WIPF1: variants seen among roughly 807,000 people sequenced by gnomAD.
The protein encoded by WIPF1 is WAS/WASL-interacting protein family member 1.
Under a neutral mutation model 35.4 loss-of-function variants are expected in WIPF1, and 13 were observed. The ratio of observed to expected loss-of-function variants is 0.37; its 90% CI spans 0.24 to 0.58. The LOEUF (loss-of-function observed/expected upper bound fraction) is 0.58, where lower values mean the gene tolerates loss of function less well. Among genes scored for constraint, WIPF1 ranks in the 20% least tolerant of loss-of-function variants. The pLI, the probability that WIPF1 is intolerant of heterozygous loss-of-function variation, is 0.74. For missense variants in WIPF1, 591 were observed against 667.0 expected, an observed-to-expected ratio of 0.89 and a Z score of 1.25; for synonymous variants, 267 against 266.3, an observed-to-expected ratio of 1.00 and a Z score of -0.02.
chr2:174,602,787 T>C (rs1423765892), upstream of WIPF1, among the ~76,000 whole-genome samples: 1 of 152,248 alleles, frequency 6.6e-6, no homozygotes, highest in Non-Finnish European at 1.5e-5. Context: ...GTAATCTTAC[T>C]TGGGGAAAAG....
At chr2:174,635,525 GTTTGTTTTTTTTT>G (rs1169080304) in intron 1 of WIPF1, among the ~76,000 whole-genome samples, 3 of 126,180 alleles carry the variant, frequency 2.4e-5, no homozygotes, top group Non-Finnish European at 3.2e-5. Context: ...GGTGCCTTCT[GTTTGTTTTTTTTT>G]TTTTTTTTTT....
chr2:174,566,769 G>C (rs1018423712), intron 7 of WIPF1: 1 of 269,402 alleles, frequency 3.7e-6, no homozygotes, highest in Admixed American at 5.0e-5. Context: ...CTCTACTTGT[G>C]CTGTCTCAGG....
intron 7 of WIPF1, among the ~76,000 whole-genome samples, chr2:174,565,933 G>C (rs1344589389): frequency 6.6e-6 from 1 of 152,006 alleles, no homozygotes; most frequent in Non-Finnish European, 1.5e-5. Context: ...GCCCAGGCTG[G>C]AGTGCAATGG....
At chr2:174,672,856 T>C (rs1688049425) in intron 1 of WIPF1, among the ~76,000 whole-genome samples, 3 of 152,226 alleles carry the variant, frequency 2.0e-5, no homozygotes, top group Admixed American at 1.3e-4. Context: ...TTACTGCCCT[T>C]TTCATGTTAC....
chr2:174,612,930 T>C (rs1454910813), intron 1 of WIPF1, among the ~76,000 whole-genome samples: 1 of 152,244 alleles, frequency 6.6e-6, no homozygotes, highest in African/African-American at 2.4e-5. Flanking sequence ...CGTTTCTGTG[T>C]GTTTATAAAC....
intron 1 of WIPF1, among the ~76,000 whole-genome samples, chr2:174,618,125 A>G (rs1015244260): frequency 7.2e-5 from 11 of 152,224 alleles, no homozygotes; most frequent in African/African-American, 2.7e-4. Context: ...AGAATAATTG[A>G]AAATCCCATA....
chr2:174,644,725 A>C (rs1196324797), intron 1 of WIPF1, among the ~76,000 whole-genome samples: 1 of 152,242 alleles, frequency 6.6e-6, no homozygotes, highest in Non-Finnish European at 1.5e-5. Context: ...AAATGTAAAC[A>C]TAATTGCTAA....
At chr2:174,635,168 A>C (rs573553209) in intron 1 of WIPF1, among the ~76,000 whole-genome samples, 1 of 152,368 alleles carries the variant, frequency 6.6e-6, no homozygotes, top group South Asian at 2.1e-4. Flanking sequence ...ATGCTGTCAG[A>C]CAGTGTGCCC....
intron 1 of WIPF1, among the ~76,000 whole-genome samples, chr2:174,661,632 G>T (rs1687761097): frequency 6.6e-6 from 1 of 152,012 alleles, no homozygotes; most frequent in Non-Finnish European, 1.5e-5. Context: ...CCTCATCACT[G>T]TCTTAATTTA....
chr2:174,635,533 T>G lies in WIPF1; in HGVS notation c.-39+47241A>C, dbSNP rs536852548. ...ACTCACTGGTGCCTTCTGTTTGTTT[T>G]TTTTTTTTTTTTTTTTTTTTTGTGA... On this transcript the variant is annotated intron_variant, in intron 1 of 8. Coordinates refer to the WIPF1 transcript ENST00000272746. Among the ~76,000 whole-genome samples, 1,383 of 146,800 alleles carry G rather than the reference T, an allele frequency of 9.4e-3. 32 individuals carry two copies. The highest frequency in any genetic ancestry group is 0.03 in the African/African-American group (1,157 of 39,214).
intron 1 of WIPF1, among the ~76,000 whole-genome samples, chr2:174,670,801 G>A (rs1574871038): frequency 6.6e-6 from 1 of 152,212 alleles, no homozygotes; most frequent in Non-Finnish European, 1.5e-5. Flanking sequence ...TTAAGTATTT[G>A]TATCCACTCT....
At chr2:174,668,266 A>C (rs1369542757) in intron 1 of WIPF1, among the ~76,000 whole-genome samples, 2 of 152,152 alleles carry the variant, frequency 1.3e-5, no homozygotes, top group Non-Finnish European at 2.9e-5. Flanking sequence ...TCTGCTACCA[A>C]CTGGCCATTA....
Position 174,561,839 on chromosome 2 carries a change from ATG to A in WIPF1, c.*706_*707del. The A allele has an allele frequency of 2.2e-6, 1 of 462,510 alleles. No homozygotes were observed. Among genetic ancestry groups the A allele is most frequent in the Non-Finnish European group, 3.8e-6 (1 of 260,552 alleles). 28.7% of individuals were successfully genotyped at this position (462,510 alleles called of 1,614,324 possible). ...AAAAATGTGACTAGTCTGAATGGAG[ATG>A]TGCGGTAAGTGTAAAATACACTCTG... On this transcript the variant is annotated 3_prime_UTR_variant, in exon 8 of 8. Transcript: ENST00000679041.
chr2:174,613,392 C>G (rs549519837), intron 1 of WIPF1, among the ~76,000 whole-genome samples: 1 of 152,182 alleles, frequency 6.6e-6, no homozygotes, highest in Non-Finnish European at 1.5e-5. Context: ...CTTTTGAGCA[C>G]AGGTCATTCA....
At chr2:174,633,343 C>T (rs1234571600) in intron 1 of WIPF1, among the ~76,000 whole-genome samples, 1 of 151,910 alleles carries the variant, frequency 6.6e-6, no homozygotes, top group Non-Finnish European at 1.5e-5. Context: ...CATACAGACA[C>T]ATTTTACAAC....
In WIPF1 at chr2:174,633,626, G is replaced by A. The variant is rs982819349; in HGVS notation, c.-38-48015C>T. Among the ~76,000 whole-genome samples the A allele has an allele frequency of 5.3e-5, 8 of 152,342 alleles. No homozygotes were observed. In the South Asian group the frequency reaches 6.2e-4, roughly 12 times the overall value. ...AGGTCTGAAAGCAGCAGGCCACTGCGTAATTAAACTGTCCCTCATTGGCCT... is the reference window on the plus strand; with the variant it reads ...AGGTCTGAAAGCAGCAGGCCACTGCATAATTAAACTGTCCCTCATTGGCCT... On this transcript the variant is annotated intron_variant, in intron 1 of 8. Coordinates refer to the WIPF1 transcript ENST00000272746.
chr2:174,620,693 A>G (rs1686646540), intron 1 of WIPF1, among the ~76,000 whole-genome samples: 1 of 152,200 alleles, frequency 6.6e-6, no homozygotes, highest in Non-Finnish European at 1.5e-5. Context: ...CCAAGGTAAG[A>G]AAAGAGGGAT....
chr2:174,572,362 C>T lies in WIPF1; in HGVS notation c.443G>A (p.Gly148Glu). The change falls in exon 5 of 8, where the codon GGG (glycine) becomes GAG (glutamate). Residue 148 changes from glycine (G) to glutamate (E), a missense_variant. Physicochemically the swap from Gly to Glu is moderately conservative, Grantham distance 98 (BLOSUM62 -2). Around this residue, in one of 3 missense-constraint regions of WIPF1, gnomAD observed 471 missense variants for 501.1 expected, o/e 0.94. Coordinates refer to ENST00000679041, the MANE Select transcript of WIPF1 (RefSeq NM_001375834.1). ...GCCTGGAGAAGGCACAGGAAACCTC[C>T]CTGGGCCACTTGGGGGTGAAAAGGG... is the stretch of plus-strand genomic sequence containing the variant. Reference protein sequence around the residue: ...AKPFSPPSGPGRFPVPSPGHR... With the variant: ...AKPFSPPSGPERFPVPSPGHR... 1 of 1,614,096 alleles carries T rather than the reference C, an allele frequency of 6.2e-7. No individual in the cohort carries two copies. Among genetic ancestry groups the T allele is most frequent in the Non-Finnish European group, 8.5e-7 (1 of 1,180,014 alleles).
In WIPF1 at chr2:174,571,406, T is replaced by A. The variant is rs1430795420; in HGVS notation, c.1129+270A>T. Reference sequence around the variant, plus strand: ...CTTCAGAGATGGAAGATGAAAGTTCTTGCCTCTTCTTTATTAACTAGCTCG... The same window carrying A: ...CTTCAGAGATGGAAGATGAAAGTTCATGCCTCTTCTTTATTAACTAGCTCG... On this transcript the variant is annotated intron_variant, in intron 5 of 7. Transcript: ENST00000679041. The surrounding 1 kb of genome is among the most constrained non-coding windows in gnomAD (Gnocchi z 4.6). 1 of 611,214 alleles carries A rather than the reference T, an allele frequency of 1.6e-6. No homozygotes were observed. Among genetic ancestry groups the A allele is most frequent in the Non-Finnish European group, 2.9e-6 (1 of 344,604 alleles). The allele number at this position is 611,214 out of a possible 1,614,324, so 37.9% of individuals were successfully genotyped here.
Sources: gnomAD v4.1 joint callset for allele counts (sites outside exome capture counted in the v4.1 genomes callset) on GRCh38, gnomAD v4.1.1 for gene constraint, gnomAD v4.1.1 regional missense constraint, Gnocchi (gnomAD v3.1) non-coding constraint, MANE v1.5 for transcripts, NCBI Gene and HGNC (gene_info 2026-07-23, HGNC 2026-07-21) for gene names.